The following TBX5 variants were observed in gnomAD, a reference collection of about 807,000 sequenced individuals.
The protein encoded by TBX5 is T-box transcription factor 5.
TBX5 carries 8 observed loss-of-function variants against 51.1 expected under a neutral mutation model. That is an observed-to-expected ratio of 0.16 (90% CI 0.09 to 0.28). The LOEUF (loss-of-function observed/expected upper bound fraction) is 0.28, where lower values mean the gene tolerates loss of function less well. TBX5 is among the 10% of genes least tolerant of loss of function. The pLI, the probability that TBX5 is intolerant of heterozygous loss-of-function variation, is 1.00. For missense variants in TBX5, 589 were observed against 671.7 expected (o/e 0.88, Z 1.36); for synonymous variants, 302 against 266.4 (o/e 1.13, Z -1.30).
chr12:114,355,615 C>T lies in TBX5; in HGVS notation c.1474G>A (p.Gly492Ser). ...LQPPEFLYSH[G>S]VPRTLSPHQY... ...TGAGGGGATAGAGTCCTTGGCACGC[C>T]ATGAGAGTAGAGGAACTCAGGGGGC... Residue 492 changes from glycine to serine, a missense_variant, in exon 9 of 9, where the codon GGC (glycine) becomes AGC (serine). Around this residue, in one of 7 missense-constraint regions of TBX5, gnomAD observed 348 missense variants for 360.4 expected, o/e 0.97. Coordinates refer to ENST00000405440, the MANE Select transcript of TBX5 (RefSeq NM_181486.4). 1 of 1,614,178 alleles carries T rather than the reference C, an allele frequency of 6.2e-7. No homozygotes were observed.
At position 114,366,154 on chromosome 12, in the gene TBX5, A is replaced by C. The variant is rs1256608831; in HGVS notation, c.982+11T>G. On this transcript the variant is annotated intron_variant, in intron 8 of 8. Transcript: ENST00000405440. ...AAAGAAAGCAAATTGACCAGGGGTG[A>C]TCACACTCACCTTTCCTCTTGGTAC... 2 of 1,614,016 alleles carry C rather than the reference A, an allele frequency of 1.2e-6. No individual in the cohort carries two copies. Among genetic ancestry groups the C allele is most frequent in the Admixed American group, 1.7e-5 (1 of 60,034 alleles).
intron 4 of TBX5, among the ~76,000 whole-genome samples, chr12:114,399,283 C>T (rs1871640913): frequency 6.6e-6 from 1 of 152,330 alleles, no homozygotes; most frequent in East Asian, 1.9e-4. Flanking sequence ...GACACAGGCA[C>T]CTCACTTCCT....
chr12:114,355,868 G>A lies in TBX5; in HGVS notation c.1221C>T (p.Tyr407=). ...SCNTWPSMPS[Y]SSCTVTTVQP... ...GCACGGTGGTGACGGTGCAGCTGCT[G>A]TAGGAAGGCATGCTTGGCCACGTGT... Residue 407 remains tyrosine (Y), a synonymous_variant, in exon 9 of 9, where the codon TAC becomes TAT. Transcript: ENST00000405440. 6.2e-7 allele frequency: 1 copy of A among 1,613,732 alleles called. No individual in the cohort carries two copies. The highest frequency in any genetic ancestry group is 8.5e-7 in the Non-Finnish European group (1 of 1,180,026).
chr12:114,384,482 G>A (rs1034398891), intron 7 of TBX5, among the ~76,000 whole-genome samples: 6 of 151,958 alleles, frequency 3.9e-5, no homozygotes, highest in South Asian at 2.1e-4. Flanking sequence ...TGATAAGCCC[G>A]CTATCTAAAA....
chr12:114,372,477 G>GT (rs1869963343), intron 7 of TBX5, among the ~76,000 whole-genome samples: 1 of 127,494 alleles, frequency 7.8e-6, no homozygotes. Context: ...GCCAATAGTT[G>GT]TATTTTTTTT....
intron 7 of TBX5, among the ~76,000 whole-genome samples, chr12:114,368,189 T>C (rs116107366): frequency 6.6e-6 from 1 of 152,184 alleles, no homozygotes; most frequent in African/African-American, 2.4e-5. Flanking sequence ...TTTAATGCAA[T>C]TAAGACGAAT....
intron 7 of TBX5, among the ~76,000 whole-genome samples, chr12:114,382,335 G>A (rs1044571572): frequency 1.3e-5 from 2 of 152,012 alleles, no homozygotes; most frequent in African/African-American, 2.4e-5. Context: ...CAATCAATAA[G>A]TAAGTACACA....
chr12:114,399,856 C>G (rs1871692747), intron 3 of TBX5, among the ~76,000 whole-genome samples: 1 of 152,174 alleles, frequency 6.6e-6, no homozygotes, highest in African/African-American at 2.4e-5. Flanking sequence ...TGTAGGTAAC[C>G]TAAGCGGAAA....
At chr12:114,394,304 G>C (rs1871303221) in intron 6 of TBX5, among the ~76,000 whole-genome samples, 1 of 152,202 alleles carries the variant, frequency 6.6e-6, no homozygotes, top group African/African-American at 2.4e-5. Context: ...GACAGACAGA[G>C]TGAGACCCTG....
At chr12:114,394,012 A>G (rs1449022060) in intron 6 of TBX5, among the ~76,000 whole-genome samples, 1 of 152,236 alleles carries the variant, frequency 6.6e-6, no homozygotes, top group Non-Finnish European at 1.5e-5. Context: ...TGCTGTTGCC[A>G]GTTGAGTGGC....
At chr12:114,378,115 A>C (rs1170924406) in intron 7 of TBX5, among the ~76,000 whole-genome samples, 1 of 152,064 alleles carries the variant, frequency 6.6e-6, no homozygotes, top group Non-Finnish European at 1.5e-5. Flanking sequence ...AGGGAGCTTC[A>C]TTTCTTCCAT....
In TBX5 at chr12:114,387,124, A is replaced by C. The variant is rs563209682; in HGVS notation, c.664-1557T>G. Among the ~76,000 whole-genome samples, 875 of 120,976 alleles carry C rather than the reference A, an allele frequency of 7.2e-3. 7 individuals carry two copies. Among genetic ancestry groups the C allele is most frequent in the African/African-American group, 0.019 (713 of 36,826 alleles). The allele number at this position is 120,976 out of a possible 152,430, so 79.4% of individuals were successfully genotyped here. A position where few individuals can be genotyped will look rare whatever the true frequency, so the allele number is the denominator to read the frequency against. On this transcript the variant is annotated intron_variant, in intron 6 of 8. Transcript: ENST00000405440. ...CCGTCTCAAAAAAAAAACAAAAAAC[A>C]AAAAAACAAACAAACAAAAAACACT...
chr12:114,370,222 ACT>A (rs982783797), intron 7 of TBX5, among the ~76,000 whole-genome samples: 4 of 148,740 alleles, frequency 2.7e-5, no homozygotes, highest in African/African-American at 1.0e-4. Context: ...CAAGAGTGAA[ACT>A]CTGTCTCAGA....
intron 8 of TBX5, among the ~76,000 whole-genome samples, chr12:114,357,816 A>G (rs976829067): frequency 2.0e-5 from 3 of 152,216 alleles, no homozygotes; most frequent in Non-Finnish European, 4.4e-5. Context: ...TAGTCAATAA[A>G]TGTTAAGAAA....
intron 6 of TBX5, among the ~76,000 whole-genome samples, chr12:114,392,083 T>A (rs540124283): frequency 1.1e-4 from 17 of 151,672 alleles, no homozygotes; most frequent in Non-Finnish European, 2.4e-4. Context: ...GAACACTTAG[T>A]GTGGCCGTGA....
chr12:114,365,406 T>C (rs1350035919), intron 8 of TBX5, among the ~76,000 whole-genome samples: 1 of 152,030 alleles, frequency 6.6e-6, no homozygotes, highest in Non-Finnish European at 1.5e-5. Flanking sequence ...TCTTCCTCCT[T>C]AGCAGTTAAA....
At chr12:114,365,779 A>G (rs994338047) in intron 8 of TBX5, among the ~76,000 whole-genome samples, 1 of 148,964 alleles carries the variant, frequency 6.7e-6, no homozygotes, top group Admixed American at 6.8e-5. Flanking sequence ...GCAGTGAGCC[A>G]TGACTACACC....
At position 114,374,666 on chromosome 12, in the gene TBX5, T is replaced by C. The variant is rs541699985; in HGVS notation, c.756-8275A>G. ...TGGGGTGATGGGAATGTTCTATATT[T>C]GGATAGGGGCTTGGGTTTCACAGGT... is the stretch of plus-strand genomic sequence containing the variant. On this transcript the variant is annotated intron_variant, in intron 7 of 8. Coordinates refer to ENST00000405440, the MANE Select transcript of TBX5 (RefSeq NM_181486.4). 3.9e-5 allele frequency among the ~76,000 whole-genome samples: 6 copies of C among 152,302 alleles called. No individual in the cohort carries two copies. The South Asian group carries it at 6.2e-4, about 16-fold the overall frequency.
chr12:114,390,909 T>G (rs1416663354), intron 6 of TBX5, among the ~76,000 whole-genome samples: 1 of 152,200 alleles, frequency 6.6e-6, no homozygotes, highest in Non-Finnish European at 1.5e-5. Context: ...TTTAAATATC[T>G]TTTTTAAGCT....
Sources: allele counts gnomAD v4.1 joint callset (sites outside exome capture counted in the v4.1 genomes callset), GRCh38; gene constraint gnomAD v4.1.1; regional missense constraint gnomAD v4.1.1; transcripts MANE v1.5; gene names NCBI Gene and HGNC (gene_info 2026-07-23, HGNC 2026-07-21).